Variants in SH3PXD2B observed in about 807,000 individuals in gnomAD.
SH3PXD2B encodes SH3 and PX domain-containing protein 2B.
A neutral mutation model predicts 73.1 loss-of-function variants in SH3PXD2B; 37 were observed. That is an observed-to-expected ratio of 0.51 (90% CI 0.39 to 0.67). The LOEUF is 0.67. Among genes scored for constraint, SH3PXD2B ranks in the 30% least tolerant of loss-of-function variants. SH3PXD2B has a pLI of 0.00. For synonymous variants in SH3PXD2B, 457 were observed against 480.5 expected (o/e 0.95, Z 0.64); for missense variants, 1,053 against 1,197.8 (o/e 0.88, Z 1.78).
rs373651050 is a variant in SH3PXD2B, at chr5:172,424,032, AC to A, written c.76-1537del. ...TCAAGATGTGGAGCTGCTGGGGGCTACCCATCCTCACTGGGGGTGGGGGGGA... is the reference window on the plus strand; with the variant it reads ...TCAAGATGTGGAGCTGCTGGGGGCTACCATCCTCACTGGGGGTGGGGGGGA... On this transcript the variant is annotated intron_variant, in intron 1 of 12. Transcript: ENST00000311601. Among the ~76,000 whole-genome samples the A allele has an allele frequency of 3.2e-3, 492 of 152,008 alleles. 2 individuals carry two copies. Among genetic ancestry groups the A allele is most frequent in the African/African-American group, 0.011 (469 of 41,466 alleles).
chr5:172,398,759 T>C (rs910533738), intron 3 of SH3PXD2B, among the ~76,000 whole-genome samples: 2 of 152,256 alleles, frequency 1.3e-5, no homozygotes, highest in Admixed American at 6.5e-5. Context: ...CCAACCTATG[T>C]GCTGTCTAAC....
chr5:172,444,752 G>A (rs1759625043), intron 1 of SH3PXD2B, among the ~76,000 whole-genome samples: 1 of 152,102 alleles, frequency 6.6e-6, no homozygotes, highest in Non-Finnish European at 1.5e-5. Context: ...CACCCATGAA[G>A]GGCTCTTCTA....
exon 13 of SH3PXD2B, chr5:172,325,207 A>G (rs1756425434): frequency 8.5e-7 from 1 of 1,180,990 alleles, no homozygotes; most frequent in African/African-American, 1.5e-5. Flanking sequence ...TTTTACCACG[A>G]CAAAAAAAAA....
At chr5:172,373,561 G>C (rs935804511) in intron 6 of SH3PXD2B, among the ~76,000 whole-genome samples, 6 of 149,244 alleles carry the variant, frequency 4.0e-5, no homozygotes, top group African/African-American at 1.5e-4. Context: ...ATGGGATGGG[G>C]TATCAACCAA....
At position 172,353,038 on chromosome 5, in the gene SH3PXD2B, C is replaced by T. The variant is rs540499971; in HGVS notation, c.785+850G>A. 1.3e-5 allele frequency among the ~76,000 whole-genome samples: 2 copies of T among 152,212 alleles called. No homozygotes were observed. The highest frequency in any genetic ancestry group is 2.1e-4 in the South Asian group (1 of 4,814). On this transcript the variant is annotated intron_variant, in intron 9 of 12. Transcript: ENST00000311601. The surrounding 1 kb of genome is among the most constrained non-coding windows in gnomAD (Gnocchi z 4.3). ...CATGGCCAACCCTCTGCTCTATCAC[C>T]GTTTATGAGTTTGTCTTCTGTACCA...
rs1004359129 is a variant in SH3PXD2B at position 172,335,533 on chromosome 5, T to C, written c.*2836A>G. The C allele has an allele frequency of 3.2e-6, 4 of 1,231,648 alleles. No homozygotes were observed. Among genetic ancestry groups the C allele is most frequent in the Non-Finnish European group, 4.0e-6 (4 of 987,976 alleles). The allele number at this position is 1,231,648 out of a possible 1,614,324, so 76.3% of individuals were successfully genotyped here. A position where few individuals can be genotyped will look rare whatever the true frequency, so the allele number is the denominator to read the frequency against. On this transcript the variant is annotated 3_prime_UTR_variant, in exon 13 of 13. Transcript: ENST00000311601. ...TAATTTTCTCACTATAGATCAGGGC[T>C]GGTCCTATCCGCCTCACAGGCTTGC...
chr5:172,439,243 A>C (rs1759466203), intron 1 of SH3PXD2B, among the ~76,000 whole-genome samples: 1 of 90,916 alleles, frequency 1.1e-5, no homozygotes. Context: ...AAACAGAAAA[A>C]AAAAAAAGAA....
intron 10 of SH3PXD2B, among the ~76,000 whole-genome samples, chr5:172,348,293 T>C (rs987072558): frequency 5.9e-5 from 9 of 151,998 alleles, no homozygotes; most frequent in African/African-American, 1.5e-4. Context: ...CACTGTGAGA[T>C]AGCAGAAGGA....
rs1017761367 is a variant in SH3PXD2B at position 172,338,364 on chromosome 5, G to T, written c.*5C>A. On this transcript the variant is annotated 3_prime_UTR_variant, in exon 13 of 13. Coordinates refer to ENST00000311601, the MANE Select transcript of SH3PXD2B (RefSeq NM_001017995.3). The surrounding 1 kb of genome is among the most constrained non-coding windows in gnomAD (Gnocchi z 5.1). The stretch of plus-strand genomic sequence containing the variant: ...AGCGGGCCCTCTAGGCAGAAAGGGA[G>T]TCGGCTACGGCTTCTTTCTGAGATA... 1 of 1,614,058 alleles carries T rather than the reference G, an allele frequency of 6.2e-7. No individual in the cohort carries two copies. The highest frequency in any genetic ancestry group is 8.5e-7 in the Non-Finnish European group (1 of 1,180,036).
Position 172,338,670 on chromosome 5 carries a change from A to G in SH3PXD2B, c.2435T>C (p.Leu812Ser). ...GCCTCGCGTGTCATCCTGGCCCCCCAAAGAGTTGGAGAGAAAAGGTTTGGC... is the reference window on the plus strand; with the variant it reads ...GCCTCGCGTGTCATCCTGGCCCCCCGAAGAGTTGGAGAGAAAAGGTTTGGC... The part of the protein sequence containing the change: ...PKAKPFLSNS[L>S]GGQDDTRGKG... The change falls in exon 13 of 13, where the codon TTG (leucine) becomes TCG (serine). Residue 812 changes from leucine to serine, a missense_variant. By Grantham distance (145) the Leu-to-Ser change is moderately radical. Coordinates refer to ENST00000311601, the MANE Select transcript of SH3PXD2B (RefSeq NM_001017995.3). This position sits in a 1 kb window ranked among gnomAD's most constrained non-coding sequence, Gnocchi z 5.1. The G allele has an allele frequency of 6.2e-7, 1 of 1,614,124 alleles. No homozygotes were observed. Among genetic ancestry groups the G allele is most frequent in the Non-Finnish European group, 8.5e-7 (1 of 1,180,020 alleles).
chr5:172,347,885 C>T (rs1225661121), intron 10 of SH3PXD2B, among the ~76,000 whole-genome samples: 1 of 152,154 alleles, frequency 6.6e-6, no homozygotes, highest in African/African-American at 2.4e-5. Flanking sequence ...ACACACTGAA[C>T]CAAACACACT....
At chr5:172,453,337 T>G (rs1043882522) in intron 1 of SH3PXD2B, among the ~76,000 whole-genome samples, 2 of 152,144 alleles carry the variant, frequency 1.3e-5, no homozygotes, top group African/African-American at 4.8e-5. Context: ...CCTGCTGTAA[T>G]GAGGCCCTCC....
chr5:172,410,133 G>A (rs1441886541), intron 2 of SH3PXD2B, among the ~76,000 whole-genome samples: 2 of 152,184 alleles, frequency 1.3e-5, no homozygotes, highest in Non-Finnish European at 2.9e-5. Context: ...TAGATATACT[G>A]ATTTCCTTTC....
At chr5:172,351,250 C>A (rs959447908) in intron 9 of SH3PXD2B, among the ~76,000 whole-genome samples, 2 of 152,196 alleles carry the variant, frequency 1.3e-5, no homozygotes, top group Admixed American at 1.3e-4. Flanking sequence ...CCAACTCAGT[C>A]TCCTACGTAG....
chr5:172,437,439 C>A (rs1759419571), intron 1 of SH3PXD2B, among the ~76,000 whole-genome samples: 1 of 152,220 alleles, frequency 6.6e-6, no homozygotes, highest in African/African-American at 2.4e-5. Flanking sequence ...GAGGAGGAAA[C>A]CGAGGCACAG....
At chr5:172,399,107 G>A (rs1026147946) in intron 3 of SH3PXD2B, among the ~76,000 whole-genome samples, 3 of 152,198 alleles carry the variant, frequency 2.0e-5, no homozygotes, top group African/African-American at 7.2e-5. Context: ...AAAACAGCTT[G>A]AAGTTCAAGC....
chr5:172,370,020 A>G (rs903219134), intron 6 of SH3PXD2B, among the ~76,000 whole-genome samples: 1 of 152,180 alleles, frequency 6.6e-6, no homozygotes, highest in African/African-American at 2.4e-5. Context: ...TTAATTATAC[A>G]TTAAATAAAT....
rs957347990 is a variant in SH3PXD2B at position 172,406,749 on chromosome 5, G to A, written c.157-397C>T. ...CATTAGCATCCAATCAATGTGGTTC[G>A]GTTCATGCTTATGAGGGCACTATAT... is the stretch of plus-strand genomic sequence containing the variant. On this transcript the variant is annotated intron_variant, in intron 2 of 12. Transcript: ENST00000311601. Among the ~76,000 whole-genome samples the A allele has an allele frequency of 3.9e-5, 6 of 152,248 alleles. No individual in the cohort carries two copies. In the East Asian group the frequency reaches 7.7e-4, roughly 20 times the overall value.
chr5:172,343,994 C>A (rs1756920461), intron 12 of SH3PXD2B, among the ~76,000 whole-genome samples: 1 of 151,750 alleles, frequency 6.6e-6, no homozygotes, highest in Non-Finnish European at 1.5e-5. Flanking sequence ...ACAAACTAAC[C>A]AACCAACCCT....
Sources: gnomAD v4.1 joint callset for allele counts (sites outside exome capture counted in the v4.1 genomes callset) on GRCh38, gnomAD v4.1.1 for gene constraint, Gnocchi (gnomAD v3.1) non-coding constraint, MANE v1.5 for transcripts, NCBI Gene and HGNC (gene_info 2026-07-23, HGNC 2026-07-21) for gene names.